The following ODAD3 variants were observed in gnomAD, a reference collection of about 807,000 sequenced individuals.
ODAD3 encodes the protein outer dynein arm-docking complex subunit 3.
A neutral mutation model predicts 70.9 loss-of-function variants in ODAD3; 57 were observed. The ratio of observed to expected loss-of-function variants is 0.80; its 90% CI spans 0.65 to 1.00. The LOEUF (loss-of-function observed/expected upper bound fraction) is 1.00, where lower values mean the gene tolerates loss of function less well. Among genes scored for constraint, ODAD3 ranks in the 50% least tolerant of loss-of-function variants. The pLI is 0.00. For synonymous variants in ODAD3, 327 were observed against 315.9 expected, an observed-to-expected ratio of 1.04 and a Z score of -0.37; for missense variants, 797 against 763.9, an observed-to-expected ratio of 1.04 and a Z score of -0.51.
rs1201582556 is a variant in ODAD3, at chr19:11,422,996, G to A, written c.1117-135C>T. The A allele has an allele frequency of 2.1e-6, 2 of 948,958 alleles. No homozygotes were observed. Among genetic ancestry groups the A allele is most frequent in the Non-Finnish European group, 1.5e-6 (1 of 649,762 alleles). The allele number at this position is 948,958 out of a possible 1,614,324, so 58.8% of individuals were successfully genotyped here. A position where few individuals can be genotyped will look rare whatever the true frequency, so the allele number is the denominator to read the frequency against. On this transcript the variant is annotated intron_variant, in intron 8 of 12. Transcript: ENST00000356392. This position sits in a 1 kb window ranked among gnomAD's most constrained non-coding sequence, Gnocchi z 4.6. ...TGGCGCCTTTTGCACAGCAATGTATGGGGACACTGTGGGTTGGACGCAGGG... is the reference window on the plus strand; with the variant it reads ...TGGCGCCTTTTGCACAGCAATGTATAGGGACACTGTGGGTTGGACGCAGGG...
intron 7 of ODAD3, 47 bp downstream of exon 7, chr19:11,426,097 G>T: frequency 6.3e-7 from 1 of 1,586,456 alleles, no homozygotes; most frequent in African/African-American, 1.3e-5. Context: ...GCTGGTTTGT[G>T]CTGGGCTGGG....
chr19:11,434,698 T>C (rs1568356400), intron 1 of ODAD3, 75 bp downstream of exon 1: 4 of 1,515,830 alleles, frequency 2.6e-6, no homozygotes, highest in East Asian at 4.6e-5. Flanking sequence ...GCTGGAGAAA[T>C]ACCTTTGTCA....
Position 11,425,231 on chromosome 19 carries a change from A to G in ODAD3, c.963+913T>C, listed in dbSNP as rs990165770. Among the ~76,000 whole-genome samples the G allele has an allele frequency of 0.013, 1,776 of 135,680 alleles. 240 individuals carry two copies. The East Asian group carries it at 0.21, about 16-fold the overall frequency. 89.0% of individuals were successfully genotyped at this position (135,680 alleles called of 152,430 possible). A position where few individuals can be genotyped will look rare whatever the true frequency, so the allele number is the denominator to read the frequency against. On this transcript the variant is annotated intron_variant, in intron 7 of 12. Coordinates refer to ENST00000356392, the MANE Select transcript of ODAD3 (RefSeq NM_145045.5). The stretch of plus-strand genomic sequence containing the variant: ...TACATATGTGTATATATGTGTGTAT[A>G]TGTACATATGTGTATATATGTATAT...
upstream of ODAD3, chr19:11,435,657 C>T (rs1362687426): frequency 7.7e-7 from 1 of 1,291,460 alleles, no homozygotes; most frequent in Non-Finnish European, 1.0e-6. Context: ...GGAACCGCGG[C>T]TGCTGGACAA....
At chr19:11,434,225 A>AC in intron 1 of ODAD3, among the ~76,000 whole-genome samples, 1 of 145,308 alleles carries the variant, frequency 6.9e-6, no homozygotes, top group South Asian at 2.1e-4. Flanking sequence ...AAAACAAAAA[A>AC]CAAAACAAAA....
At chr19:11,429,979 A>G (rs2144778934) in intron 3 of ODAD3, among the ~76,000 whole-genome samples, 1 of 152,094 alleles carries the variant, frequency 6.6e-6, no homozygotes, top group South Asian at 2.1e-4. Flanking sequence ...CTGGGATTAC[A>G]GGCATGTGCC....
At chr19:11,425,607 GTGTATATA>G (rs1969344630) in intron 7 of ODAD3, among the ~76,000 whole-genome samples, 1 of 128,916 alleles carries the variant, frequency 7.8e-6, no homozygotes. Context: ...ATATATGTGT[GTGTATATA>G]TGCATATATG....
chr19:11,425,415 A>ATG (rs1206986421), intron 7 of ODAD3, among the ~76,000 whole-genome samples: 1 of 143,924 alleles, frequency 6.9e-6, no homozygotes, highest in Admixed American at 7.0e-5. Flanking sequence ...ATATACATAT[A>ATG]TGTGTATATA....
intron 3 of ODAD3, among the ~76,000 whole-genome samples, chr19:11,428,858 ATTTTTTAT>A (rs1250474291): frequency 9.0e-4 from 129 of 143,234 alleles, no homozygotes; most frequent in African/African-American, 2.5e-3. Flanking sequence ...ACTGTGTTTT[ATTTTTTAT>A]TTATTTATTT....
chr19:11,423,927 C>A lies in ODAD3; in HGVS notation c.1066G>T (p.Glu356Ter). 6.2e-7 allele frequency: 1 copy of A among 1,613,508 alleles called. No individual in the cohort carries two copies. Among genetic ancestry groups the A allele is most frequent in the Non-Finnish European group, 8.5e-7 (1 of 1,179,986 alleles). The change falls in exon 8 of 13, where the codon GAG becomes TAG. Residue 356 changes from glutamate to a stop codon, truncating the protein, a stop_gained. Coordinates refer to ENST00000356392, the MANE Select transcript of ODAD3 (RefSeq NM_145045.5). LOFTEE classifies it high-confidence loss of function. ...TCCTTGACCTTGCCAAAGATCACCT[C>A]CATCTGGTACATGCTCCAGCGCTGC... ...LRQRWSMYQM[E>*]VIFGKVKDAT...
chr19:11,426,041 AAC>A (rs1275024017), intron 7 of ODAD3, 101 bp downstream of exon 7: 1 of 1,446,656 alleles, frequency 6.9e-7, no homozygotes, highest in Non-Finnish European at 9.2e-7. Context: ...GGTTAGGAGA[AAC>A]AGAAAATGGG....
chr19:11,429,641 C>T (rs145458243), intron 3 of ODAD3, among the ~76,000 whole-genome samples: 21,809 of 152,070 alleles, frequency 0.14, 1,955 homozygotes, highest in South Asian at 0.3. Context: ...AACTCCTGAC[C>T]TTGTGATCCA....
upstream of ODAD3, chr19:11,435,129 G>A (rs1217822787): frequency 4.1e-6 from 6 of 1,467,868 alleles, no homozygotes; most frequent in Non-Finnish European, 4.5e-6. Flanking sequence ...TGCACTTTCC[G>A]ACCGCTAGGT....
At chr19:11,434,732 T>G (rs752172593) in intron 1 of ODAD3, 41 bp downstream of exon 1, 1 of 1,568,054 alleles carries the variant, frequency 6.4e-7, no homozygotes, top group Non-Finnish European at 8.7e-7. Flanking sequence ...GGATGGGCAC[T>G]GTTGACCCCT....
chr19:11,425,130 T>TATATGTGTATATGTACATATAC (rs1969274343), intron 7 of ODAD3, among the ~76,000 whole-genome samples: 1 of 128,428 alleles, frequency 7.8e-6, no homozygotes, highest in African/African-American at 3.7e-5. Flanking sequence ...TACATATGTG[T>TATATGTGTATATGTACATATAC]ATATGTGTAT....
chr19:11,422,405 C>G lies in ODAD3; in HGVS notation c.1434+66G>C. The G allele has an allele frequency of 3.4e-6, 5 of 1,461,904 alleles. No homozygotes were observed. The highest frequency in any genetic ancestry group is 1.4e-5 in the African/African-American group (1 of 70,962). The allele number at this position is 1,461,904 out of a possible 1,614,324, so 90.6% of individuals were successfully genotyped here. On this transcript the variant is annotated intron_variant, in intron 10 of 12. Coordinates refer to ENST00000356392, the MANE Select transcript of ODAD3 (RefSeq NM_145045.5). The surrounding 1 kb of genome is among the most constrained non-coding windows in gnomAD (Gnocchi z 4.6). ...GGGCAAGCTGGTGTGGCAGGAACCC[C>G]GCTTCGTGGCTGCGCCTCTGCGGTC...
At chr19:11,427,928 G>A (rs935745783) in intron 3 of ODAD3, among the ~76,000 whole-genome samples, 3 of 151,160 alleles carry the variant, frequency 2.0e-5, no homozygotes, top group Admixed American at 1.3e-4. Flanking sequence ...GTAAAACCCC[G>A]TCTCTACTAA....
intron 3 of ODAD3, among the ~76,000 whole-genome samples, chr19:11,428,398 C>T (rs34099): frequency 0.091 from 13,877 of 151,972 alleles, 1,042 homozygotes; most frequent in African/African-American, 0.2. Flanking sequence ...CATGCCACGA[C>T]GCCTGGGTAC....
At position 11,426,713 on chromosome 19, in the gene ODAD3, G is replaced by A. The variant is rs1969384352; in HGVS notation, c.684C>T (p.Ser228=). The change falls in exon 5 of 13, where the codon AGC becomes AGT. Residue 228 remains serine, a synonymous_variant. Transcript: ENST00000356392. ...GATAGGCCTTGAGCTGCAGGTACAC[G>A]CTGGTAATGTGCTCGGCCTCCTGCG... ...MKAQEAEHIT[S]VYLQLKAYLM... is the part of the protein sequence containing the mutation. The A allele has an allele frequency of 1.2e-6, 2 of 1,613,804 alleles. No homozygotes were observed. The highest frequency in any genetic ancestry group is 1.7e-6 in the Non-Finnish European group (2 of 1,179,864).
Sources: allele counts gnomAD v4.1 joint callset (sites outside exome capture counted in the v4.1 genomes callset), GRCh38; gene constraint gnomAD v4.1.1; non-coding constraint Gnocchi (gnomAD v3.1); transcripts MANE v1.5; gene names NCBI Gene and HGNC (gene_info 2026-07-23, HGNC 2026-07-21).